The following SCRT2 variants were observed in gnomAD, a reference collection of about 807,000 sequenced individuals.
The protein encoded by SCRT2 is transcriptional repressor scratch 2.
SCRT2 carries 2 observed loss-of-function variants against 3.7 expected under a neutral mutation model. The ratio of observed to expected loss-of-function variants is 0.54; its 90% CI spans 0.22 to 1.70. The LOEUF is 1.70. SCRT2 is among the 40% of genes most tolerant of loss of function. The pLI, the probability that SCRT2 is intolerant of heterozygous loss-of-function variation, is 0.19. For synonymous variants in SCRT2, 256 were observed against 220.6 expected, an observed-to-expected ratio of 1.16 and a Z score of -1.42; for missense variants, 456 against 468.5, an observed-to-expected ratio of 0.97 and a Z score of 0.25.
chr20:664,407 C>A lies in SCRT2; in HGVS notation c.188G>T (p.Gly63Val). The change falls in exon 2 of 2, where the codon GGC becomes GTC. Residue 63 changes from glycine (G) to valine (V), a missense_variant. By Grantham distance (109) the Gly-to-Val change is moderately radical. This residue lies in a region of SCRT2 where 306 missense variants were observed against 305.3 expected (regional missense o/e 1.00). Coordinates refer to ENST00000246104, the MANE Select transcript of SCRT2 (RefSeq NM_033129.4). The surrounding 1 kb of genome is among the most constrained non-coding windows in gnomAD (Gnocchi z 7.9). ...GGGCTCGGCCGGGGCCAGCTCCAGGCCCGGCTTCTGGTCCGCATCGTAGCT... is the reference window on the plus strand; with the variant it reads ...GGGCTCGGCCGGGGCCAGCTCCAGGACCGGCTTCTGGTCCGCATCGTAGCT... ...PSSYDADQKP[G>V]LELAPAEPAY... 1.5e-6 allele frequency: 2 copies of A among 1,377,184 alleles called. No homozygotes were observed. The highest frequency in any genetic ancestry group is 1.9e-6 in the Non-Finnish European group (2 of 1,053,982). 85.3% of individuals were successfully genotyped at this position (1,377,184 alleles called of 1,614,324 possible).
In SCRT2 at chr20:663,927, C is replaced by G. The variant is rs770547640; in HGVS notation, c.668G>C (p.Arg223Pro). The G allele has an allele frequency of 6.2e-7, 1 of 1,608,176 alleles. No homozygotes were observed. The highest frequency in any genetic ancestry group is 1.1e-5 in the South Asian group (1 of 90,804). ...KCGVCGKAFS[R>P]PWLLQGHMRS... ...CATGTGACCCTGCAGCAGCCAGGGCCGCGAGAAGGCCTTGCCGCAGACGCC... is the reference window on the plus strand; with the variant it reads ...CATGTGACCCTGCAGCAGCCAGGGCGGCGAGAAGGCCTTGCCGCAGACGCC... Residue 223 changes from arginine to proline, a missense_variant, in exon 2 of 2, where the codon CGG becomes CCG. Transcript: ENST00000246104. This position sits in a 1 kb window ranked among gnomAD's most constrained non-coding sequence, Gnocchi z 6.9.
In SCRT2 at chr20:661,612, C is replaced by T. The variant is rs1449614672; in HGVS notation, c.*2059G>A. Reference sequence around the variant, plus strand: ...AGGCGATGGTGAGTGGCCAAAGTCCCTTTAATATCCCTGAATTGCGTTACA... The same window carrying T: ...AGGCGATGGTGAGTGGCCAAAGTCCTTTTAATATCCCTGAATTGCGTTACA... On this transcript the variant is annotated 3_prime_UTR_variant, in exon 2 of 2. Transcript: ENST00000246104. 6.6e-6 allele frequency: 1 copy of T among 152,644 alleles called. No homozygotes were observed. Among genetic ancestry groups the T allele is most frequent in the Non-Finnish European group, 1.5e-5 (1 of 68,100 alleles). 9.5% of individuals were successfully genotyped at this position (152,644 alleles called of 1,614,324 possible).
chr20:670,362 G>C (rs1381434679), intron 1 of SCRT2, among the ~76,000 whole-genome samples: 1 of 152,136 alleles, frequency 6.6e-6, no homozygotes, highest in Non-Finnish European at 1.5e-5. Context: ...GGTGCACTCA[G>C]AGGGCCCATT....
At chr20:671,692 T>C (rs1178283823) in intron 1 of SCRT2, among the ~76,000 whole-genome samples, 1 of 152,054 alleles carries the variant, frequency 6.6e-6, no homozygotes, top group Non-Finnish European at 1.5e-5. Context: ...GATAAGCCCA[T>C]GGGTAGAAGT....
In SCRT2 at chr20:664,326, C is replaced by A. The variant is rs1330009460; in HGVS notation, c.269G>T (p.Ser90Ile). 6.6e-7 allele frequency: 1 copy of A among 1,504,994 alleles called. No homozygotes were observed. The highest frequency in any genetic ancestry group is 8.9e-7 in the Non-Finnish European group (1 of 1,117,774). The allele number at this position is 1,504,994 out of a possible 1,614,324, so 93.2% of individuals were successfully genotyped here. ...EYSDPESPQS[S>I]LSARYFRGEA... is the part of the protein sequence containing the mutation. ...CCCTCGGAAGTAGCGCGCCGACAGG[C>A]TCGACTGCGGGCTTTCGGGGTCGCT... Residue 90 changes from serine (S) to isoleucine (I), a missense_variant, in exon 2 of 2, where the codon AGC (serine) becomes ATC (isoleucine). Ser to Ile is a moderately radical substitution (Grantham distance 142). This residue lies in a region of SCRT2 where 306 missense variants were observed against 305.3 expected (regional missense o/e 1.00). Coordinates refer to ENST00000246104, the MANE Select transcript of SCRT2 (RefSeq NM_033129.4). This position sits in a 1 kb window ranked among gnomAD's most constrained non-coding sequence, Gnocchi z 7.9.
intron 1 of SCRT2, among the ~76,000 whole-genome samples, chr20:672,704 G>T (rs1033413917): frequency 9.6e-5 from 14 of 146,002 alleles, no homozygotes; most frequent in African/African-American, 3.6e-4. Flanking sequence ...ACTATCTCCA[G>T]CCCCAGGCCT....
Position 663,477 on chromosome 20 carries a change from TG to T in SCRT2, c.*193del. On this transcript the variant is annotated 3_prime_UTR_variant, in exon 2 of 2. Coordinates refer to ENST00000246104, the MANE Select transcript of SCRT2 (RefSeq NM_033129.4). The surrounding 1 kb of genome is among the most constrained non-coding windows in gnomAD (Gnocchi z 6.9). ...AAGGATGAAGTGGGTCGGGGGACGC[TG>T]GGGAAGACGGTGTGGAAGTGAGTCG... 2.3e-6 allele frequency: 1 copy of T among 439,718 alleles called. No homozygotes were observed. The highest frequency in any genetic ancestry group is 3.7e-6 in the Non-Finnish European group (1 of 272,422). The allele number at this position is 439,718 out of a possible 1,614,324, so 27.2% of individuals were successfully genotyped here. A position where few individuals can be genotyped will look rare whatever the true frequency, so the allele number is the denominator to read the frequency against.
rs1277164142 is a variant in SCRT2, at chr20:666,496, G to A, written c.134-2035C>T. 1.3e-5 allele frequency among the ~76,000 whole-genome samples: 2 copies of A among 152,074 alleles called. No homozygotes were observed. The highest frequency in any genetic ancestry group is 6.5e-5 in the Admixed American group (1 of 15,272). ...CACCAGGCTCTGTGCTAAGTGCTTC[G>A]CTCCCATCATCTCACTGAATCATCA... is the stretch of plus-strand genomic sequence containing the variant. On this transcript the variant is annotated intron_variant, in intron 1 of 1. Coordinates refer to ENST00000246104, the MANE Select transcript of SCRT2 (RefSeq NM_033129.4). The surrounding 1 kb of genome is among the most constrained non-coding windows in gnomAD (Gnocchi z 4.4).
In SCRT2 at chr20:661,739, C is replaced by T. The variant is rs1003450956; in HGVS notation, c.*1932G>A. On this transcript the variant is annotated 3_prime_UTR_variant, in exon 2 of 2. Coordinates refer to ENST00000246104, the MANE Select transcript of SCRT2 (RefSeq NM_033129.4). ...GCTCATACAAAATATGGCCAAAAGG[C>T]TTAGCATGCATGGAAAATTATTGCT... 1.3e-5 allele frequency: 2 copies of T among 152,686 alleles called. No individual in the cohort carries two copies. The highest frequency in any genetic ancestry group is 2.9e-5 in the Non-Finnish European group (2 of 68,054). 9.5% of individuals were successfully genotyped at this position (152,686 alleles called of 1,614,324 possible).
Position 666,133 on chromosome 20 carries a change from A to G in SCRT2, c.134-1672T>C, listed in dbSNP as rs576386686. Among the ~76,000 whole-genome samples, 3 of 152,276 alleles carry G rather than the reference A, an allele frequency of 2.0e-5. No homozygotes were observed. The highest frequency in any genetic ancestry group is 2.0e-4 in the Admixed American group (3 of 15,304). On this transcript the variant is annotated intron_variant, in intron 1 of 1. Transcript: ENST00000246104. This position sits in a 1 kb window ranked among gnomAD's most constrained non-coding sequence, Gnocchi z 4.4. ...CTGCACACAGAAGTCATTGTGGATT[A>G]TGGAAGTGGATGACTCGGAAGCGGG...
chr20:674,399 TCACACACACA>T (rs57092015), intron 1 of SCRT2, among the ~76,000 whole-genome samples: 27,447 of 106,540 alleles, frequency 0.26, 3,805 homozygotes, highest in Admixed American at 0.3. Flanking sequence ...TCTCTCTCTC[TCACACACACA>T]CACACACACA....
At position 667,488 on chromosome 20, in the gene SCRT2, C is replaced by A. The variant is rs1017443649; in HGVS notation, c.134-3027G>T. On this transcript the variant is annotated intron_variant, in intron 1 of 1. Coordinates refer to ENST00000246104, the MANE Select transcript of SCRT2 (RefSeq NM_033129.4). This position sits in a 1 kb window ranked among gnomAD's most constrained non-coding sequence, Gnocchi z 4.4. ...TCCTCTCTGGGCCTCTGTTTCCTCA[C>A]CCGGGATGTGTAATTTCTATTTCAC... Among the ~76,000 whole-genome samples, 3 of 152,204 alleles carry A rather than the reference C, an allele frequency of 2.0e-5. No individual in the cohort carries two copies. Among genetic ancestry groups the A allele is most frequent in the Non-Finnish European group, 2.9e-5 (2 of 68,036 alleles).
At chr20:672,929 A>G (rs1336912562) in intron 1 of SCRT2, among the ~76,000 whole-genome samples, 4 of 151,988 alleles carry the variant, frequency 2.6e-5, no homozygotes, top group Non-Finnish European at 4.4e-5. Flanking sequence ...GGCCACCAGG[A>G]GCCGGCGGGC....
rs1568651254 is a variant in SCRT2 at position 664,141 on chromosome 20, C to G, written c.454G>C (p.Gly152Arg). 7.1e-7 allele frequency: 1 copy of G among 1,402,282 alleles called. No homozygotes were observed. 86.9% of individuals were successfully genotyped at this position (1,402,282 alleles called of 1,614,324 possible). ...AGRAGAQAGGGHRHACAECGK... is the reference protein window; with the variant it reads ...AGRAGAQAGGRHRHACAECGK... ...CACTCGGCGCACGCGTGCCGGTGCC[C>G]GCCGCCCGCCTGCGCCCCCGCGCGC... The change falls in exon 2 of 2, where the codon GGG (glycine) becomes CGG (arginine). Residue 152 changes from glycine (G) to arginine (R), a missense_variant. Physicochemically the swap from Gly to Arg is moderately radical, Grantham distance 125 (BLOSUM62 -2). Coordinates refer to ENST00000246104, the MANE Select transcript of SCRT2 (RefSeq NM_033129.4). This position sits in a 1 kb window ranked among gnomAD's most constrained non-coding sequence, Gnocchi z 7.9.
In SCRT2 at chr20:675,459, T is replaced by C; in HGVS notation, c.133+10A>G. 2 of 1,313,534 alleles carry C rather than the reference T, an allele frequency of 1.5e-6. No homozygotes were observed. The highest frequency in any genetic ancestry group is 2.4e-5 in the South Asian group (1 of 41,844). The allele number at this position is 1,313,534 out of a possible 1,614,324, so 81.4% of individuals were successfully genotyped here. A position where few individuals can be genotyped will look rare whatever the true frequency, so the allele number is the denominator to read the frequency against. On this transcript the variant is annotated intron_variant, in intron 1 of 1. Coordinates refer to ENST00000246104, the MANE Select transcript of SCRT2 (RefSeq NM_033129.4). The surrounding 1 kb of genome is among the most constrained non-coding windows in gnomAD (Gnocchi z 6.9). ...CTCCCAACCCCCCGCCCCCGCCGGG[T>C]CCCACTCACCGTTGTCCCCGGGAGG...
Position 663,631 on chromosome 20 carries a change from G to T in SCRT2, c.*40C>A, listed in dbSNP as rs1355364414. ...GGCGCAGGTAGGGGGCCCGGGGCGC[G>T]TGGAGAGCGAGTTCCGGGCGCGAGG... is the stretch of plus-strand genomic sequence containing the variant. On this transcript the variant is annotated 3_prime_UTR_variant, in exon 2 of 2. Coordinates refer to ENST00000246104, the MANE Select transcript of SCRT2 (RefSeq NM_033129.4). The surrounding 1 kb of genome is among the most constrained non-coding windows in gnomAD (Gnocchi z 6.9). 2.2e-6 allele frequency: 3 copies of T among 1,349,636 alleles called. No individual in the cohort carries two copies. Among genetic ancestry groups the T allele is most frequent in the South Asian group, 3.7e-5 (2 of 54,422 alleles). The allele number at this position is 1,349,636 out of a possible 1,614,324, so 83.6% of individuals were successfully genotyped here.
chr20:666,626 C>G lies in SCRT2; in HGVS notation c.134-2165G>C, dbSNP rs1361424315. Among the ~76,000 whole-genome samples, 1 of 152,192 alleles carries G rather than the reference C, an allele frequency of 6.6e-6. No homozygotes were observed. The highest frequency in any genetic ancestry group is 1.5e-5 in the Non-Finnish European group (1 of 68,024). On this transcript the variant is annotated intron_variant, in intron 1 of 1. Transcript: ENST00000246104. This position sits in a 1 kb window ranked among gnomAD's most constrained non-coding sequence, Gnocchi z 4.4. ...GGAATCCACTGCCCCCTTGGTTTCC[C>G]ACATACTGGGAGGTCCTCCAGGAGG...
intron 1 of SCRT2, among the ~76,000 whole-genome samples, chr20:674,753 T>G (rs1555778810): frequency 6.9e-6 from 1 of 143,950 alleles, no homozygotes; most frequent in African/African-American, 2.6e-5. Flanking sequence ...AGGAGGGGGC[T>G]TACGAGGAGC....
chr20:675,535 G>C lies in SCRT2; in HGVS notation c.67C>G (p.Pro23Ala), dbSNP rs1162581748. 1 of 1,398,730 alleles carries C rather than the reference G, an allele frequency of 7.1e-7. No individual in the cohort carries two copies. The highest frequency in any genetic ancestry group is 9.3e-7 in the Non-Finnish European group (1 of 1,072,302). 86.6% of individuals were successfully genotyped at this position (1,398,730 alleles called of 1,614,324 possible). A position where few individuals can be genotyped will look rare whatever the true frequency, so the allele number is the denominator to read the frequency against. ...DGFQCSGVPAPTYHPLETAYV... is the reference protein window; with the variant it reads ...DGFQCSGVPAATYHPLETAYV... Reference sequence around the variant, plus strand: ...GCTGTCTCCAAGGGGTGGTAGGTGGGGGCCGGCACCCCGCTGCACTGGAAG... The same window carrying C: ...GCTGTCTCCAAGGGGTGGTAGGTGGCGGCCGGCACCCCGCTGCACTGGAAG... The change falls in exon 1 of 2, where the codon CCC (proline) becomes GCC (alanine). Residue 23 changes from proline to alanine, a missense_variant. Physicochemically the swap from Pro to Ala is conservative, Grantham distance 27. Around this residue, in one of 3 missense-constraint regions of SCRT2, gnomAD observed 306 missense variants for 305.3 expected, o/e 1.00. Transcript: ENST00000246104. This position sits in a 1 kb window ranked among gnomAD's most constrained non-coding sequence, Gnocchi z 6.9.
Sources: gnomAD v4.1 joint callset for allele counts (sites outside exome capture counted in the v4.1 genomes callset) on GRCh38, gnomAD v4.1.1 for gene constraint, gnomAD v4.1.1 regional missense constraint, Gnocchi (gnomAD v3.1) non-coding constraint, MANE v1.5 for transcripts, NCBI Gene and HGNC (gene_info 2026-07-23, HGNC 2026-07-21) for gene names.